SLC25A20: variants seen among roughly 807,000 people sequenced by gnomAD.
The protein encoded by SLC25A20 is mitochondrial carnitine/acylcarnitine carrier protein.
In SLC25A20, 29 loss-of-function variants were observed where a neutral mutation model predicts 39.7. That is an observed-to-expected ratio of 0.73 (90% CI 0.54 to 1.00). SLC25A20 has a LOEUF of 1.00. SLC25A20 is among the 50% of genes least tolerant of loss of function. The pLI, the probability that SLC25A20 is intolerant of heterozygous loss-of-function variation, is 0.00. For synonymous variants in SLC25A20, 103 were observed against 142.2 expected (o/e 0.72, Z 1.96); for missense variants, 333 against 379.9 (o/e 0.88, Z 1.03).
chr3:48,879,292 A>G, intron 4 of SLC25A20, 66 bp downstream of exon 4: 4 of 1,207,004 alleles, frequency 3.3e-6, no homozygotes, highest in Non-Finnish European at 3.7e-6. Context: ...GTGAAAGGAC[A>G]TAAACATGCA....
chr3:48,889,241 T>TGGTGCAGTC (rs1387950077), intron 2 of SLC25A20, among the ~76,000 whole-genome samples: 1 of 151,622 alleles, frequency 6.6e-6, no homozygotes, highest in Non-Finnish European at 1.5e-5. Flanking sequence ...TGGAGTGCAA[T>TGGTGCAGTC]TAGCCAGGCA....
chr3:48,892,660 A>C (rs2083885692), intron 1 of SLC25A20, among the ~76,000 whole-genome samples: 1 of 152,188 alleles, frequency 6.6e-6, no homozygotes, highest in South Asian at 2.1e-4. Flanking sequence ...AGGAAGTGTC[A>C]GTCAGCCTTT....
chr3:48,857,824 G>T, intron 8 of SLC25A20, 52 bp from the exon 9 acceptor site: 1 of 1,544,944 alleles, frequency 6.5e-7, no homozygotes, highest in South Asian at 1.1e-5. Flanking sequence ...ACTATTCATA[G>T]ACTATTCAAA....
chr3:48,889,205 CAG>C (rs1344276631), intron 2 of SLC25A20, among the ~76,000 whole-genome samples: 2 of 151,316 alleles, frequency 1.3e-5, no homozygotes, highest in Admixed American at 6.6e-5. Flanking sequence ...TATTTTGAGA[CAG>C]AGTTTTATTC....
At position 48,880,778 on chromosome 3, in the gene SLC25A20, G is replaced by C. The variant is rs2083790629; in HGVS notation, c.327-1330C>G. On this transcript the variant is annotated intron_variant, in intron 3 of 8. Coordinates refer to ENST00000319017, the MANE Select transcript of SLC25A20 (RefSeq NM_000387.6). Reference sequence around the variant, plus strand: ...AGACAGAGTTTCGCCATGTTGCCCAGGTTGGTCTCAAACTCCTGGGCTCAA... The same window carrying C: ...AGACAGAGTTTCGCCATGTTGCCCACGTTGGTCTCAAACTCCTGGGCTCAA... 1.3e-5 allele frequency among the ~76,000 whole-genome samples: 2 copies of C among 151,282 alleles called. 1 individual carries two copies. The highest frequency in any genetic ancestry group is 4.9e-5 in the African/African-American group (2 of 41,106).
At chr3:48,889,090 C>CA (rs1229068986) in intron 2 of SLC25A20, among the ~76,000 whole-genome samples, 65 of 135,644 alleles carry the variant, frequency 4.8e-4, no homozygotes, top group Middle Eastern at 3.8e-3. Context: ...AACTCCGTCT[C>CA]AAAAAAAAAA....
At chr3:48,877,220 G>T (rs1575986438) in intron 4 of SLC25A20, among the ~76,000 whole-genome samples, 2 of 151,952 alleles carry the variant, frequency 1.3e-5, no homozygotes, top group African/African-American at 4.8e-5. Context: ...TTCGAGACCA[G>T]CCTGACCAAT....
chr3:48,878,461 G>A (rs2083778265), intron 4 of SLC25A20, among the ~76,000 whole-genome samples: 2 of 150,788 alleles, frequency 1.3e-5, no homozygotes, highest in Non-Finnish European at 3.0e-5. Context: ...AGCCTCCTGA[G>A]TAGCTGGGAC....
rs1245606105 is a variant in SLC25A20, at chr3:48,869,460, GGT to G, written c.418-6803_418-6802del. On this transcript the variant is annotated intron_variant, in intron 4 of 8. Coordinates refer to ENST00000319017, the MANE Select transcript of SLC25A20 (RefSeq NM_000387.6). The stretch of plus-strand genomic sequence containing the variant: ...CAGGAGATTGAGGTGACCAACCTCA[GGT>G]GATATGCCCACCTCAGCCTCCCAAA... Among the ~76,000 whole-genome samples the G allele has an allele frequency of 2.0e-5, 3 of 152,046 alleles. No individual in the cohort carries two copies. In the East Asian group the frequency reaches 5.8e-4, roughly 29 times the overall value.
chr3:48,858,729 G>A, intron 7 of SLC25A20, 98 bp from the exon 8 acceptor site: 1 of 1,479,858 alleles, frequency 6.8e-7, no homozygotes, highest in Non-Finnish European at 9.4e-7. Context: ...AGGACACCTT[G>A]CAGGTCATGT....
chr3:48,873,383 G>T (rs1009719993), intron 4 of SLC25A20, among the ~76,000 whole-genome samples: 1 of 151,682 alleles, frequency 6.6e-6, no homozygotes, highest in African/African-American at 2.4e-5. Flanking sequence ...GGCCAAGGAG[G>T]GGGGATCACG....
intron 4 of SLC25A20, among the ~76,000 whole-genome samples, chr3:48,876,250 G>A (rs2083756045): frequency 6.9e-6 from 1 of 144,950 alleles, no homozygotes; most frequent in Non-Finnish European, 1.5e-5. Flanking sequence ...GCTGAGGCAG[G>A]AGAATCACTT....
At chr3:48,879,155 C>A (rs555413059) in intron 4 of SLC25A20, among the ~76,000 whole-genome samples, 19 of 152,118 alleles carry the variant, frequency 1.2e-4, no homozygotes, top group African/African-American at 4.6e-4. Context: ...CAGGCGTAAA[C>A]CACTGCACCT....
intron 3 of SLC25A20, among the ~76,000 whole-genome samples, chr3:48,882,497 C>T (rs746569206): frequency 1.1e-4 from 16 of 152,178 alleles, no homozygotes; most frequent in Non-Finnish European, 1.8e-4. Flanking sequence ...GCATTCAGAC[C>T]TCTCAACAGC....
chr3:48,867,407 G>A (rs1228557717), intron 4 of SLC25A20, among the ~76,000 whole-genome samples: 1 of 52,908 alleles, frequency 1.9e-5, no homozygotes, highest in African/African-American at 5.8e-5. Flanking sequence ...ACCATGCCTG[G>A]GTAATTTTTT....
At chr3:48,897,159 G>A (rs376733938) in intron 1 of SLC25A20, among the ~76,000 whole-genome samples, 45 of 148,992 alleles carry the variant, frequency 3.0e-4, no homozygotes, top group African/African-American at 1.1e-3. Flanking sequence ...GCTCACTAAG[G>A]CCAAAAACAC....
chr3:48,885,219 T>C (rs2106659621), intron 2 of SLC25A20, among the ~76,000 whole-genome samples: 1 of 151,766 alleles, frequency 6.6e-6, no homozygotes, highest in African/African-American at 2.4e-5. Context: ...TGCAGTGAGC[T>C]ATGACCTTGC....
chr3:48,890,908 C>A (rs1268999501), intron 2 of SLC25A20, among the ~76,000 whole-genome samples: 1 of 152,084 alleles, frequency 6.6e-6, no homozygotes. Flanking sequence ...CCCGCCTCAG[C>A]CTCCCAAAGT....
At chr3:48,884,157 C>G (rs1405567412) in intron 2 of SLC25A20, 33 bp from the exon 3 acceptor site, 1 of 1,611,838 alleles carries the variant, frequency 6.2e-7, no homozygotes, top group Non-Finnish European at 8.5e-7. Flanking sequence ...AAGCTGTTTA[C>G]AGACACCACC....
Sources: gnomAD v4.1 joint callset for allele counts (sites outside exome capture counted in the v4.1 genomes callset) on GRCh38, gnomAD v4.1.1 for gene constraint, MANE v1.5 for transcripts, NCBI Gene and HGNC (gene_info 2026-07-23, HGNC 2026-07-21) for gene names.